Variants in CHIC1 observed in about 807,000 individuals in gnomAD.
The protein encoded by CHIC1 is cysteine rich hydrophobic domain 1, also known as cysteine-rich hydrophobic domain-containing protein 1.
Under a neutral mutation model 18.5 loss-of-function variants are expected in CHIC1, and 7 were observed. That is an observed-to-expected ratio of 0.38 (90% confidence interval 0.22 to 0.71). The LOEUF is 0.71. Ranked by LOEUF, CHIC1 falls within the 30% of genes least tolerant of loss-of-function variation. The probability of loss-of-function intolerance (pLI) is 0.49; values close to 1 mark genes in which losing one functional copy is unlikely to be tolerated. For missense variants in CHIC1, 159 were observed against 176.9 expected, an observed-to-expected ratio of 0.90 and a Z score of 0.57; for synonymous variants, 77 against 73.5, an observed-to-expected ratio of 1.05 and a Z score of -0.25.
chrX:73,665,698 C>T (rs1308010473), intron 3 of CHIC1, among the ~76,000 whole-genome samples: 1 of 111,237 alleles, frequency 9.0e-6, no homozygotes, highest in East Asian at 2.8e-4. Flanking sequence ...AGCTATTTCT[C>T]ACACAGGGCA....
At position 73,602,535 on chromosome X, in the gene CHIC1, C is replaced by G. The variant is rs1039740822; in HGVS notation, c.507+17963C>G. On this transcript the variant is annotated intron_variant, in intron 3 of 5. Transcript: ENST00000373502. ...TTTAGTTTAATTAGATCTCATTTGT[C>G]TATTTTGGCTTTTGTTGCCATTGGT... 6.4e-5 allele frequency among the ~76,000 whole-genome samples: 7 copies of G among 108,868 alleles called. 1 individual carries two copies. The highest frequency in any genetic ancestry group is 9.4e-5 in the Non-Finnish European group (5 of 53,101). The allele number at this position is 108,868 out of a possible 115,157, so 94.5% of individuals were successfully genotyped here.
chrX:73,655,276 G>A (rs952752126), intron 3 of CHIC1, among the ~76,000 whole-genome samples: 24 of 106,304 alleles, frequency 2.3e-4, no homozygotes, highest in African/African-American at 8.2e-4. Flanking sequence ...GTGGTGGTGT[G>A]TGTGTGCGTG....
chrX:73,671,038 C>T (rs767536803), intron 3 of CHIC1, among the ~76,000 whole-genome samples: 1 of 111,797 alleles, frequency 8.9e-6, no homozygotes, highest in East Asian at 2.8e-4. Context: ...GTCTATAGTG[C>T]AGTTTAAGTC....
intron 3 of CHIC1, among the ~76,000 whole-genome samples, chrX:73,644,259 G>A (rs2057875196): frequency 8.9e-6 from 1 of 111,918 alleles, no homozygotes; most frequent in Admixed American, 9.4e-5. Flanking sequence ...TGTCACAGAG[G>A]AGTACCCGGC....
At chrX:73,641,218 AT>A (rs544242432) in intron 3 of CHIC1, among the ~76,000 whole-genome samples, 6 of 109,331 alleles carry the variant, frequency 5.5e-5, no homozygotes, top group East Asian at 2.9e-4. Context: ...GGTTGGTATG[AT>A]TTTTTTTTAA....
rs187913992 is a variant in CHIC1 at position 73,614,952 on chromosome X, T to G, written c.507+30380T>G. Among the ~76,000 whole-genome samples, 117 of 111,603 alleles carry G rather than the reference T, an allele frequency of 1.0e-3. 1 individual carries two copies. The highest frequency in any genetic ancestry group is 3.2e-3 in the African/African-American group (99 of 30,727). On this transcript the variant is annotated intron_variant, in intron 3 of 5. Coordinates refer to ENST00000373502, the MANE Select transcript of CHIC1 (RefSeq NM_001039840.4). The stretch of plus-strand genomic sequence containing the variant: ...AACTTCCTTGCTTTTTGATGTTTTT[T>G]TGTGTGTGTCCTTATGTTGGTATGT...
At chrX:73,627,046 G>A (rs900726361) in intron 3 of CHIC1, among the ~76,000 whole-genome samples, 8 of 106,635 alleles carry the variant, frequency 7.5e-5, no homozygotes, top group African/African-American at 2.8e-4. Flanking sequence ...TTGCAGACTC[G>A]TAGAGATACC....
At chrX:73,648,751 G>A (rs1012992025) in intron 3 of CHIC1, among the ~76,000 whole-genome samples, 6 of 111,932 alleles carry the variant, frequency 5.4e-5, no homozygotes, top group Admixed American at 2.8e-4. Context: ...TGGAGTACCC[G>A]AAGGAGACGG....
At chrX:73,601,139 T>G (rs2057646146) in intron 3 of CHIC1, among the ~76,000 whole-genome samples, 1 of 106,002 alleles carries the variant, frequency 9.4e-6, no homozygotes, top group South Asian at 4.1e-4. Flanking sequence ...CTGTCAACAT[T>G]AGACAGATCA....
chrX:73,612,348 G>T (rs968799607), intron 3 of CHIC1, among the ~76,000 whole-genome samples: 6 of 110,737 alleles, frequency 5.4e-5, no homozygotes, highest in Non-Finnish European at 1.1e-4. Flanking sequence ...TATTAATTTT[G>T]TGTTTGGTTT....
At chrX:73,634,610 G>C (rs1327115463) in intron 3 of CHIC1, among the ~76,000 whole-genome samples, 2 of 111,542 alleles carry the variant, frequency 1.8e-5, no homozygotes, top group African/African-American at 3.3e-5. Flanking sequence ...GGTGGGCCTT[G>C]TGGTGGAGTC....
intron 3 of CHIC1, among the ~76,000 whole-genome samples, chrX:73,608,081 A>T (rs2057691338): frequency 9.2e-6 from 1 of 109,100 alleles, no homozygotes; most frequent in Admixed American, 9.6e-5. Context: ...GTTAATTTTT[A>T]TCTATGTGAG....
chrX:73,595,069 C>G (rs1344120098), intron 3 of CHIC1, among the ~76,000 whole-genome samples: 1 of 111,425 alleles, frequency 9.0e-6, no homozygotes, highest in Non-Finnish European at 1.9e-5. Context: ...CATTACTATA[C>G]AAGTGCCTGT....
In CHIC1 at chrX:73,627,952, G is replaced by A. The variant is rs760984093; in HGVS notation, c.507+43380G>A. 2.7e-5 allele frequency among the ~76,000 whole-genome samples: 3 copies of A among 111,927 alleles called. No homozygotes were observed. In the Admixed American group the frequency reaches 2.8e-4, roughly 11 times the overall value. On this transcript the variant is annotated intron_variant, in intron 3 of 5. Transcript: ENST00000373502. Reference sequence around the variant, plus strand: ...AGGCTCACCCAAGGCCCTCGATGTTGTACCTGGGTATTGCTGCTGGTTATT... The same window carrying A: ...AGGCTCACCCAAGGCCCTCGATGTTATACCTGGGTATTGCTGCTGGTTATT...
At chrX:73,640,920 C>T (rs946151067) in intron 3 of CHIC1, among the ~76,000 whole-genome samples, 7 of 110,968 alleles carry the variant, frequency 6.3e-5, no homozygotes, top group African/African-American at 2.3e-4. Flanking sequence ...TCTAGGTCTT[C>T]TAGTTGTGGT....
intron 1 of CHIC1, among the ~76,000 whole-genome samples, chrX:73,571,299 G>C (rs1322029335): frequency 9.1e-6 from 1 of 109,922 alleles, no homozygotes; most frequent in Non-Finnish European, 1.9e-5. Flanking sequence ...TGGAAATAGA[G>C]GTCTATTTAA....
intron 3 of CHIC1, among the ~76,000 whole-genome samples, chrX:73,676,293 GAGA>G (rs759730145): frequency 9.1e-4 from 102 of 111,802 alleles, no homozygotes; most frequent in Non-Finnish European, 1.6e-3. Context: ...TGCTAGATTG[GAGA>G]AGTTCTCCTG....
intron 3 of CHIC1, among the ~76,000 whole-genome samples, chrX:73,599,094 A>AT (rs1361533205): frequency 8.3e-5 from 9 of 108,381 alleles, no homozygotes; most frequent in Non-Finnish European, 1.3e-4. Flanking sequence ...GATGATGAGC[A>AT]TTTTTTCATG....
intron 3 of CHIC1, among the ~76,000 whole-genome samples, chrX:73,671,122 C>T (rs12556262): frequency 0.25 from 27,843 of 111,065 alleles, 3,665 homozygotes; most frequent in African/African-American, 0.51. Context: ...AGATGATCTG[C>T]CTAGTCTCTC....
Sources: allele counts gnomAD v4.1 joint callset (sites outside exome capture counted in the v4.1 genomes callset), GRCh38; gene constraint gnomAD v4.1.1; transcripts MANE v1.5; gene names NCBI Gene and HGNC (gene_info 2026-07-23, HGNC 2026-07-21).